The following PTPRO variants were observed in gnomAD, a reference collection of about 807,000 sequenced individuals.
The protein encoded by PTPRO is protein tyrosine phosphatase receptor type O.
PTPRO carries 62 observed loss-of-function variants against 145.2 expected under a neutral mutation model. The ratio of observed to expected loss-of-function variants is 0.43; its 90% confidence interval spans 0.35 to 0.53. The LOEUF is 0.53. PTPRO is among the 20% of genes least tolerant of loss of function. The pLI is 0.01. For missense variants in PTPRO, 1,345 were observed against 1,482.7 expected (o/e 0.91, Z 1.53); for synonymous variants, 565 against 514.7 (o/e 1.10, Z -1.32).
intron 6 of PTPRO, among the ~76,000 whole-genome samples, chr12:15,508,326 C>T (rs1311485116): frequency 6.6e-6 from 1 of 152,116 alleles, no homozygotes; most frequent in Non-Finnish European, 1.5e-5. Flanking sequence ...CACATGCACA[C>T]GATGATTGAA....
intron 1 of PTPRO, among the ~76,000 whole-genome samples, chr12:15,453,458 T>A (rs1941098124): frequency 6.6e-6 from 1 of 152,234 alleles, no homozygotes; most frequent in South Asian, 2.1e-4. Flanking sequence ...GTAATCAAAT[T>A]CTATTGCTTG....
chr12:15,525,545 C>T (rs1942819812), intron 11 of PTPRO, among the ~76,000 whole-genome samples: 1 of 152,196 alleles, frequency 6.6e-6, no homozygotes, highest in Non-Finnish European at 1.5e-5. Context: ...TAGTCCTTGT[C>T]TCTAGAGAGG....
intron 12 of PTPRO, among the ~76,000 whole-genome samples, chr12:15,541,570 G>A (rs1266878043): frequency 6.6e-6 from 1 of 152,182 alleles, no homozygotes; most frequent in East Asian, 1.9e-4. Context: ...GCTTGCAGAT[G>A]ATCACTTTGT....
At chr12:15,341,709 C>T (rs1866993090) in intron 1 of PTPRO, among the ~76,000 whole-genome samples, 1 of 152,194 alleles carries the variant, frequency 6.6e-6, no homozygotes, top group African/African-American at 2.4e-5. Flanking sequence ...TGCATATCTT[C>T]TGAGGTTTTT....
At chr12:15,520,525 T>C (rs1459395218) in intron 10 of PTPRO, among the ~76,000 whole-genome samples, 1 of 152,236 alleles carries the variant, frequency 6.6e-6, no homozygotes, top group Non-Finnish European at 1.5e-5. Flanking sequence ...GTTACCACCG[T>C]TGACTTATTT....
intron 1 of PTPRO, among the ~76,000 whole-genome samples, chr12:15,378,879 G>C (rs1938768713): frequency 6.6e-6 from 1 of 152,068 alleles, no homozygotes; most frequent in Admixed American, 6.6e-5. Flanking sequence ...GATTTTGATA[G>C]ACATTTTTCG....
At chr12:15,350,164 C>G (rs1363164838) in intron 1 of PTPRO, among the ~76,000 whole-genome samples, 7 of 152,180 alleles carry the variant, frequency 4.6e-5, no homozygotes, top group African/African-American at 1.7e-4. Context: ...GTGAAAGAAT[C>G]TATCCTTATC....
intron 1 of PTPRO, among the ~76,000 whole-genome samples, chr12:15,461,813 G>C (rs556258200): frequency 1.3e-5 from 2 of 151,868 alleles, no homozygotes; most frequent in Non-Finnish European, 2.9e-5. Context: ...TGATCCGCCC[G>C]CCTCAGCCTC....
At chr12:15,560,803 C>G (rs984445509) in intron 17 of PTPRO, among the ~76,000 whole-genome samples, 1 of 152,058 alleles carries the variant, frequency 6.6e-6, no homozygotes, top group African/African-American at 2.4e-5. Context: ...TTACTAGTCC[C>G]ATTTTAGAAA....
intron 15 of PTPRO, among the ~76,000 whole-genome samples, chr12:15,555,963 C>T (rs535090821): frequency 6.6e-6 from 1 of 152,270 alleles, no homozygotes; most frequent in East Asian, 1.9e-4. Flanking sequence ...TTCAAGATAT[C>T]TGCAGCAAGT....
chr12:15,546,543 T>C (rs928512379), intron 12 of PTPRO, 26 bp from the exon 13 acceptor site: 3 of 1,558,258 alleles, frequency 1.9e-6, no homozygotes, highest in African/African-American at 1.4e-5. Context: ...AAATTAAATT[T>C]TTTTTAAAAC....
intron 15 of PTPRO, among the ~76,000 whole-genome samples, chr12:15,557,185 C>T: frequency 6.6e-6 from 1 of 152,130 alleles, no homozygotes; most frequent in Non-Finnish European, 1.5e-5. Context: ...GGATTACAGG[C>T]AAGTGCCACC....
rs141491309 is a variant in PTPRO at position 15,515,261 on chromosome 12, G to T, written c.1465-237G>T. 4.4e-3 allele frequency among the ~76,000 whole-genome samples: 671 copies of T among 151,936 alleles called. 4 individuals are homozygous for T. Among genetic ancestry groups the T allele is most frequent in the Non-Finnish European group, 7.3e-3 (498 of 67,954 alleles). ...TGCATAGTTATAATTGACACTGATGGGTATAAAGCAGTTCACAGGGCTTAG... is the reference window on the plus strand; with the variant it reads ...TGCATAGTTATAATTGACACTGATGTGTATAAAGCAGTTCACAGGGCTTAG... On this transcript the variant is annotated intron_variant, in intron 7 of 26. Transcript: ENST00000281171.
At chr12:15,483,659 T>C (rs978104826) in intron 1 of PTPRO, among the ~76,000 whole-genome samples, 1 of 152,120 alleles carries the variant, frequency 6.6e-6, no homozygotes, top group African/African-American at 2.4e-5. Flanking sequence ...ACTCATTCAT[T>C]ATTTACTCCT....
At chr12:15,388,534 C>T (rs1224036994) in intron 1 of PTPRO, among the ~76,000 whole-genome samples, 3 of 152,088 alleles carry the variant, frequency 2.0e-5, no homozygotes, top group Admixed American at 6.6e-5. Context: ...TGATAAGGCA[C>T]TAGTGTCTGA....
chr12:15,439,860 A>G, intron 1 of PTPRO: 1 of 634,694 alleles, frequency 1.6e-6, no homozygotes, highest in Non-Finnish European at 2.9e-6. Context: ...ATGATGGTGC[A>G]GAAGCAGACC....
intron 1 of PTPRO, among the ~76,000 whole-genome samples, chr12:15,433,386 T>A (rs1259646040): frequency 6.6e-6 from 1 of 152,140 alleles, no homozygotes; most frequent in East Asian, 1.9e-4. Flanking sequence ...GGTTTCACCG[T>A]GTTAGCCAGG....
intron 2 of PTPRO, among the ~76,000 whole-genome samples, chr12:15,494,553 G>C (rs1364061983): frequency 6.6e-6 from 1 of 152,180 alleles, no homozygotes; most frequent in Non-Finnish European, 1.5e-5. Context: ...ACTCCTCAGT[G>C]ATGCTTAGAC....
chr12:15,569,174 A>G (rs906673887), intron 18 of PTPRO, among the ~76,000 whole-genome samples: 1 of 152,108 alleles, frequency 6.6e-6, no homozygotes, highest in African/African-American at 2.4e-5. Context: ...CTGCTACAGT[A>G]AGAGCCAAGT....
Sources: allele counts gnomAD v4.1 joint callset (sites outside exome capture counted in the v4.1 genomes callset), GRCh38; gene constraint gnomAD v4.1.1; transcripts MANE v1.5; gene names NCBI Gene and HGNC (gene_info 2026-07-23, HGNC 2026-07-21).